Variants in GABBR2 observed in about 807,000 individuals in gnomAD.
The protein encoded by GABBR2 is G-protein coupled receptor 51.
A neutral mutation model predicts 105.6 loss-of-function variants in GABBR2; 23 were observed. The observed-to-expected ratio is 0.22, with a 90% CI of 0.16 to 0.31. The LOEUF is 0.31. Among genes scored for constraint, GABBR2 ranks in the 10% least tolerant of loss-of-function variants. GABBR2 has a pLI of 1.00. For synonymous variants in GABBR2, 478 were observed against 499.7 expected, an observed-to-expected ratio of 0.96 and a Z score of 0.58; for missense variants, 734 against 1,245.5, an observed-to-expected ratio of 0.59 and a Z score of 6.18.
intron 3 of GABBR2, among the ~76,000 whole-genome samples, chr9:98,523,018 TTTAAAC>T (rs1827895202): frequency 6.6e-6 from 1 of 152,206 alleles, no homozygotes; most frequent in Admixed American, 6.5e-5. Context: ...AGACCGATAT[TTTAAAC>T]TTAAAGTACA....
intron 15 of GABBR2, 129 bp downstream of exon 15, chr9:98,305,992 A>T: frequency 1.5e-6 from 1 of 666,406 alleles, no homozygotes; most frequent in Non-Finnish European, 2.6e-6. Flanking sequence ...AATTTTCTAT[A>T]ATGTGAATTG....
At chr9:98,705,732 A>G (rs913427763) in intron 1 of GABBR2, among the ~76,000 whole-genome samples, 2 of 152,226 alleles carry the variant, frequency 1.3e-5, no homozygotes, top group African/African-American at 2.4e-5. Flanking sequence ...TCAGGGAGAA[A>G]GCACCTCTAC....
At chr9:98,430,231 A>G (rs1722713477) in intron 7 of GABBR2, among the ~76,000 whole-genome samples, 1 of 148,680 alleles carries the variant, frequency 6.7e-6, no homozygotes, top group African/African-American at 2.5e-5. Context: ...TGGAGATTGC[A>G]GTGAGCCAAG....
chr9:98,560,957 C>T (rs1800681131), intron 2 of GABBR2, among the ~76,000 whole-genome samples: 1 of 151,808 alleles, frequency 6.6e-6, no homozygotes, highest in Non-Finnish European at 1.5e-5. Context: ...ATGTCATTAT[C>T]ACAGTTATGA....
At chr9:98,443,401 A>G (rs1002970723) in intron 7 of GABBR2, among the ~76,000 whole-genome samples, 2 of 152,204 alleles carry the variant, frequency 1.3e-5, no homozygotes, top group African/African-American at 4.8e-5. Flanking sequence ...GCTAAACCAC[A>G]TTATTTTGAT....
At chr9:98,617,122 C>T (rs1363567043) in intron 1 of GABBR2, among the ~76,000 whole-genome samples, 2 of 152,156 alleles carry the variant, frequency 1.3e-5, no homozygotes, top group African/African-American at 4.8e-5. Flanking sequence ...TAAATAACTT[C>T]CCAATCCACC....
chr9:98,674,261 A>G (rs1210885551), intron 1 of GABBR2, among the ~76,000 whole-genome samples: 1 of 152,136 alleles, frequency 6.6e-6, no homozygotes, highest in Non-Finnish European at 1.5e-5. Flanking sequence ...CTTACAAGTG[A>G]CTTCACTAAA....
intron 3 of GABBR2, among the ~76,000 whole-genome samples, chr9:98,518,159 G>A (rs188162591): frequency 6.6e-6 from 1 of 152,130 alleles, no homozygotes; most frequent in African/African-American, 2.4e-5. Context: ...CCCTCCCCTT[G>A]TCCTCCAGAG....
intron 7 of GABBR2, among the ~76,000 whole-genome samples, chr9:98,428,154 G>C (rs1226455749): frequency 6.6e-6 from 1 of 152,224 alleles, no homozygotes; most frequent in Non-Finnish European, 1.5e-5. Context: ...TGGCTCAAAA[G>C]AAGAGACTTT....
At chr9:98,462,326 A>C (rs1054151917) in intron 6 of GABBR2, among the ~76,000 whole-genome samples, 1 of 152,238 alleles carries the variant, frequency 6.6e-6, no homozygotes, top group Non-Finnish European at 1.5e-5. Context: ...GATTAGGAAT[A>C]TCTATTCATC....
chr9:98,566,472 AAG>A (rs1255417024), intron 2 of GABBR2, among the ~76,000 whole-genome samples: 1 of 152,230 alleles, frequency 6.6e-6, no homozygotes, highest in East Asian at 1.9e-4. Context: ...TCAGAAGATC[AAG>A]ACCATCCTGG....
intron 1 of GABBR2, among the ~76,000 whole-genome samples, chr9:98,645,821 G>C (rs1312235162): frequency 6.6e-6 from 1 of 152,166 alleles, no homozygotes; most frequent in Non-Finnish European, 1.5e-5. Context: ...AGTATTGCTT[G>C]GTGCTTCCTA....
At chr9:98,673,361 G>A (rs1164563840) in intron 1 of GABBR2, among the ~76,000 whole-genome samples, 1 of 152,176 alleles carries the variant, frequency 6.6e-6, no homozygotes, top group Non-Finnish European at 1.5e-5. Flanking sequence ...AGTGCATGGT[G>A]GGGAAAATGC....
At chr9:98,687,313 G>A (rs1036556423) in intron 1 of GABBR2, among the ~76,000 whole-genome samples, 10 of 151,820 alleles carry the variant, frequency 6.6e-5, no homozygotes, top group Admixed American at 4.6e-4. Context: ...TGAACCAACC[G>A]GACAGGATTC....
At chr9:98,656,933 T>C (rs997998994) in intron 1 of GABBR2, among the ~76,000 whole-genome samples, 1 of 152,230 alleles carries the variant, frequency 6.6e-6, no homozygotes, top group Non-Finnish European at 1.5e-5. Flanking sequence ...TGGCCCTAGA[T>C]GCTGGATCAG....
intron 5 of GABBR2, among the ~76,000 whole-genome samples, chr9:98,480,050 T>G (rs1234080551): frequency 1.3e-5 from 2 of 152,222 alleles, no homozygotes; most frequent in Non-Finnish European, 1.5e-5. Context: ...GAATTCCTAT[T>G]TATAACCTCA....
intron 9 of GABBR2, among the ~76,000 whole-genome samples, chr9:98,390,375 CAAAAAAAAA>C (rs61216428): frequency 0.048 from 1,571 of 32,428 alleles, 48 homozygotes; most frequent in African/African-American, 0.15. Flanking sequence ...CTCCATCTCA[CAAAAAAAAA>C]AAAAAAAAAA....
intron 1 of GABBR2, among the ~76,000 whole-genome samples, chr9:98,703,632 A>G (rs1830859693): frequency 6.6e-6 from 1 of 151,996 alleles, no homozygotes; most frequent in Admixed American, 6.6e-5. Flanking sequence ...GGCTGGGACC[A>G]CAGGCACATA....
At chr9:98,496,553 G>T in intron 3 of GABBR2, 39 bp from the exon 4 acceptor site, 1 of 1,417,170 alleles carries the variant, frequency 7.1e-7, no homozygotes, top group Non-Finnish European at 1.0e-6. Flanking sequence ...GTGTGCTGGG[G>T]ACCACAGGAA....
Sources: allele counts gnomAD v4.1 joint callset (sites outside exome capture counted in the v4.1 genomes callset), GRCh38; gene constraint gnomAD v4.1.1; transcripts MANE v1.5; gene names NCBI Gene and HGNC (gene_info 2026-07-23, HGNC 2026-07-21).